The following NKAIN2 variants were observed in gnomAD, a reference collection of about 807,000 sequenced individuals.
The protein encoded by NKAIN2 is sodium/potassium transporting ATPase interacting 2.
In NKAIN2, 14 loss-of-function variants were observed where a neutral mutation model predicts 32.6. That is an observed-to-expected ratio of 0.43 (90% CI 0.28 to 0.67). The LOEUF is 0.67. Among genes scored for constraint, NKAIN2 ranks in the 30% least tolerant of loss-of-function variants. The probability of loss-of-function intolerance (pLI) is 0.17; values close to 1 mark genes in which losing one functional copy is unlikely to be tolerated. For synonymous variants in NKAIN2, 80 were observed against 87.2 expected, an observed-to-expected ratio of 0.92 and a Z score of 0.46; for missense variants, 198 against 258.3, an observed-to-expected ratio of 0.77 and a Z score of 1.60.
intron 1 of NKAIN2, among the ~76,000 whole-genome samples, chr6:123,841,232 G>GCT (rs1774855905): frequency 1.3e-5 from 2 of 152,094 alleles, no homozygotes; most frequent in African/African-American, 4.8e-5. Flanking sequence ...CTTTAACATA[G>GCT]CTCTCTCATT....
intron 1 of NKAIN2, among the ~76,000 whole-genome samples, chr6:124,174,803 C>T (rs1455538506): frequency 1.3e-5 from 2 of 152,122 alleles, no homozygotes; most frequent in East Asian, 1.9e-4. Flanking sequence ...CCTTGGTGTC[C>T]AGGAGGAAGG....
chr6:123,844,391 A>G (rs541693403), intron 1 of NKAIN2, among the ~76,000 whole-genome samples: 6 of 152,290 alleles, frequency 3.9e-5, no homozygotes, highest in African/African-American at 1.4e-4. Flanking sequence ...ATTCAATCCC[A>G]TTTTTGTAGG....
chr6:124,534,242 C>T (rs562624324), intron 3 of NKAIN2, among the ~76,000 whole-genome samples: 267 of 152,142 alleles, frequency 1.8e-3, no homozygotes, highest in African/African-American at 6.2e-3. Context: ...CTTCTGCCTT[C>T]CAGGCTCAAG....
At chr6:123,943,581 A>G (rs547230782) in intron 1 of NKAIN2, among the ~76,000 whole-genome samples, 3 of 152,186 alleles carry the variant, frequency 2.0e-5, no homozygotes, top group East Asian at 3.9e-4. Flanking sequence ...AATAGAAATA[A>G]GTACCCATGT....
chr6:124,113,732 G>A (rs1272420750), intron 1 of NKAIN2, among the ~76,000 whole-genome samples: 3 of 152,150 alleles, frequency 2.0e-5, no homozygotes, highest in Non-Finnish European at 4.4e-5. Context: ...TGATCTTAGG[G>A]AACCACACTG....
chr6:124,345,619 C>T (rs1471687825), intron 2 of NKAIN2, among the ~76,000 whole-genome samples: 18 of 151,794 alleles, frequency 1.2e-4, no homozygotes, highest in Admixed American at 5.3e-4. Flanking sequence ...AGTTTATTTG[C>T]GTAGAGGTGT....
chr6:124,218,246 C>T (rs1187915032), intron 1 of NKAIN2, among the ~76,000 whole-genome samples: 1 of 151,996 alleles, frequency 6.6e-6, no homozygotes, highest in African/African-American at 2.4e-5. Context: ...AGATACATGG[C>T]ATAGAGCATG....
chr6:124,761,878 T>C (rs1778280273), intron 4 of NKAIN2, among the ~76,000 whole-genome samples: 1 of 152,106 alleles, frequency 6.6e-6, no homozygotes, highest in Non-Finnish European at 1.5e-5. Flanking sequence ...AAAACAGAAA[T>C]AGGAAGGGGA....
intron 3 of NKAIN2, among the ~76,000 whole-genome samples, chr6:124,360,497 A>T (rs1003539096): frequency 6.6e-6 from 1 of 152,174 alleles, no homozygotes; most frequent in Non-Finnish European, 1.5e-5. Flanking sequence ...GTACACATAG[A>T]GGTATAGTTA....
chr6:124,579,671 GATA>G (rs1279564785), intron 3 of NKAIN2, among the ~76,000 whole-genome samples: 1 of 152,164 alleles, frequency 6.6e-6, no homozygotes, highest in Non-Finnish European at 1.5e-5. Context: ...TTCCTCAAAT[GATA>G]ATAACAGAGA....
At chr6:124,357,089 G>T (rs747421739) in intron 3 of NKAIN2, among the ~76,000 whole-genome samples, 1 of 152,128 alleles carries the variant, frequency 6.6e-6, no homozygotes, top group Admixed American at 6.6e-5. Flanking sequence ...AGGGCACTAA[G>T]AATTCTTCCA....
chr6:124,613,874 T>C (rs1782784985), intron 3 of NKAIN2, among the ~76,000 whole-genome samples: 1 of 152,190 alleles, frequency 6.6e-6, no homozygotes, highest in Admixed American at 6.5e-5. Flanking sequence ...ACCTAGAAGA[T>C]GCCATTAAAT....
intron 1 of NKAIN2, among the ~76,000 whole-genome samples, chr6:124,188,629 G>A (rs1054989442): frequency 6.6e-6 from 1 of 152,036 alleles, no homozygotes; most frequent in Non-Finnish European, 1.5e-5. Flanking sequence ...TTCTGTGTTG[G>A]TACTTGCAGA....
intron 3 of NKAIN2, among the ~76,000 whole-genome samples, chr6:124,576,985 C>A (rs1781358391): frequency 6.6e-6 from 1 of 152,148 alleles, no homozygotes; most frequent in South Asian, 2.1e-4. Flanking sequence ...TTTGTAAGAA[C>A]TGAAACCTCT....
chr6:124,335,679 T>G (rs996464533), intron 2 of NKAIN2, among the ~76,000 whole-genome samples: 3 of 152,166 alleles, frequency 2.0e-5, no homozygotes, highest in Admixed American at 6.5e-5. Context: ...TATTATTAAC[T>G]TTCTATTTTT....
At chr6:124,466,211 A>T (rs923963996) in intron 3 of NKAIN2, among the ~76,000 whole-genome samples, 1 of 152,110 alleles carries the variant, frequency 6.6e-6, no homozygotes, top group African/African-American at 2.4e-5. Flanking sequence ...TCCAAGTTTT[A>T]TAAAAGAGGA....
At chr6:124,708,311 C>A (rs62431865) in intron 4 of NKAIN2, among the ~76,000 whole-genome samples, 24 of 151,580 alleles carry the variant, frequency 1.6e-4, no homozygotes, top group African/African-American at 5.3e-4. Context: ...CTTAGGATTG[C>A]CTTGGTGAAG....
intron 3 of NKAIN2, among the ~76,000 whole-genome samples, chr6:124,651,270 T>G (rs1380671817): frequency 6.6e-6 from 1 of 152,144 alleles, no homozygotes; most frequent in Non-Finnish European, 1.5e-5. Context: ...TAGGGTGTCA[T>G]GACTACAGCT....
chr6:124,750,360 T>G (rs1777651015), intron 4 of NKAIN2, among the ~76,000 whole-genome samples: 1 of 151,936 alleles, frequency 6.6e-6, no homozygotes, highest in African/African-American at 2.4e-5. Flanking sequence ...TATCACATTT[T>G]AGTGGGCAAT....
Sources: allele counts gnomAD v4.1 joint callset (sites outside exome capture counted in the v4.1 genomes callset), GRCh38; gene constraint gnomAD v4.1.1; transcripts MANE v1.5; gene names NCBI Gene and HGNC (gene_info 2026-07-23, HGNC 2026-07-21).